Variants in CCT4 observed in about 807,000 individuals in gnomAD.
CCT4 encodes T-complex protein 1 subunit delta.
A neutral mutation model predicts 62.5 loss-of-function variants in CCT4; 17 were observed. The ratio of observed to expected loss-of-function variants is 0.27; its 90% CI spans 0.19 to 0.41. The LOEUF (loss-of-function observed/expected upper bound fraction) is 0.41. CCT4 is among the 10% of genes least tolerant of loss of function. The probability of loss-of-function intolerance (pLI) is 1.00; values close to 1 mark genes in which losing one functional copy is unlikely to be tolerated. For missense variants in CCT4, 592 were observed against 659.2 expected (o/e 0.90, Z 1.12); for synonymous variants, 250 against 229.9 (o/e 1.09, Z -0.79).
chr2:61,869,639 C>G, intron 12 of CCT4, 86 bp from the exon 13 acceptor site: 1 of 740,608 alleles, frequency 1.4e-6, no homozygotes, highest in Non-Finnish European at 2.5e-6. Context: ...ACCTCAAGAC[C>G]TAAATCTAGT....
chr2:61,874,050 A>T (rs528043045), intron 8 of CCT4, among the ~76,000 whole-genome samples: 115 of 152,130 alleles, frequency 7.6e-4, no homozygotes, highest in Non-Finnish European at 1.4e-3. Flanking sequence ...CCTTATTAAT[A>T]CTTCATGAAT....
intron 12 of CCT4, among the ~76,000 whole-genome samples, chr2:61,869,920 T>C (rs1321566324): frequency 2.7e-5 from 4 of 148,364 alleles, no homozygotes; most frequent in East Asian, 2.1e-4. Context: ...GCGTGAGCCA[T>C]GGCGCCTGGC....
At chr2:61,869,957 T>C (rs1668850387) in intron 12 of CCT4, among the ~76,000 whole-genome samples, 1 of 149,796 alleles carries the variant, frequency 6.7e-6, no homozygotes, top group Admixed American at 6.7e-5. Flanking sequence ...TTGGCAAAAT[T>C]AGCAAAATGA....
At chr2:61,884,938 C>CA in intron 2 of CCT4, 82 bp downstream of exon 2, 1 of 1,232,174 alleles carries the variant, frequency 8.1e-7, no homozygotes, top group Non-Finnish European at 1.2e-6. Flanking sequence ...ACTTTTTAAA[C>CA]AGCACATCTA....
At chr2:61,879,976 C>A (rs1176043155) in intron 4 of CCT4, among the ~76,000 whole-genome samples, 1 of 152,042 alleles carries the variant, frequency 6.6e-6, no homozygotes, top group Non-Finnish European at 1.5e-5. Context: ...GATCCACCCA[C>A]CTTGGCCTCT....
Position 61,888,476 on chromosome 2 carries a change from G to T in CCT4, c.32C>A (p.Ala11Glu). Reference protein sequence around the residue: MPENVAPRSGATAGAAGGRGK... With the variant: MPENVAPRSGETAGAAGGRGK... ...GCGGCCGCCGGCAGCCCCGGCAGTC[G>T]CCCCGCTCCGGGGTGCCACATTCTC... is the stretch of plus-strand genomic sequence containing the variant. The change falls in exon 1 of 14, where the codon GCG (alanine) becomes GAG (glutamate). Residue 11 changes from alanine (A) to glutamate (E), a missense_variant. Physicochemically the swap from Ala to Glu is moderately radical, Grantham distance 107 (BLOSUM62 -1). Around this residue, in one of 3 missense-constraint regions of CCT4, gnomAD observed 67 missense variants for 71.1 expected, o/e 0.94. Transcript: ENST00000394440. 1.2e-6 allele frequency: 2 copies of T among 1,611,800 alleles called. No homozygotes were observed. The highest frequency in any genetic ancestry group is 1.1e-5 in the South Asian group (1 of 90,890).
intron 3 of CCT4, 144 bp downstream of exon 3, chr2:61,883,315 G>A: frequency 1.8e-6 from 1 of 549,014 alleles, no homozygotes; most frequent in Non-Finnish European, 3.2e-6. Flanking sequence ...CAGCTACTCA[G>A]GAGGCTGAGG....
At chr2:61,874,049 T>C (rs928867207) in intron 8 of CCT4, among the ~76,000 whole-genome samples, 2 of 152,182 alleles carry the variant, frequency 1.3e-5, no homozygotes, top group South Asian at 2.1e-4. Context: ...ACCTTATTAA[T>C]ACTTCATGAA....
At chr2:61,879,651 T>C (rs756316466) in intron 4 of CCT4, among the ~76,000 whole-genome samples, 1 of 152,062 alleles carries the variant, frequency 6.6e-6, no homozygotes, top group African/African-American at 2.4e-5. Flanking sequence ...TATAATTAAA[T>C]ACCATTTACT....
chr2:61,872,347 T>A, intron 11 of CCT4, 31 bp from the exon 12 acceptor site: 1 of 1,501,088 alleles, frequency 6.7e-7, no homozygotes, highest in African/African-American at 1.4e-5. Flanking sequence ...TTTAGCTTAT[T>A]TTATCCAAAA....
chr2:61,877,400 T>C lies in CCT4; in HGVS notation c.637A>G (p.Lys213Glu). The C allele has an allele frequency of 6.3e-7, 1 of 1,588,778 alleles. No homozygotes were observed. Among genetic ancestry groups the C allele is most frequent in the Non-Finnish European group, 8.6e-7 (1 of 1,169,368 alleles). The change falls in exon 6 of 14, where the codon AAG becomes GAG. Residue 213 changes from lysine to glutamate, a missense_variant. This residue lies in a region of CCT4 where 522 missense variants were observed against 571.2 expected (regional missense o/e 0.91). Coordinates refer to ENST00000394440, the MANE Select transcript of CCT4 (RefSeq NM_006430.4). The stretch of plus-strand genomic sequence containing the variant: ...GTAATTAGAGATGCTTACCCAAGCT[T>C]CTTAACTATTTTAATATCTCTAAGA... ...VDLRDIKIVK[K>E]LGGTIDDCEL...
chr2:61,882,657 C>T (rs1226066023), intron 3 of CCT4, among the ~76,000 whole-genome samples: 1 of 152,018 alleles, frequency 6.6e-6, no homozygotes, highest in Admixed American at 6.6e-5. Flanking sequence ...CACAGGTGCG[C>T]ACCACACACC....
intron 1 of CCT4, chr2:61,888,101 G>C (rs534237163): frequency 1.4e-4 from 52 of 361,962 alleles, no homozygotes; most frequent in Middle Eastern, 7.2e-4. Flanking sequence ...TCGGCATTTT[G>C]AACTGCTTTC....
At position 61,888,569 on chromosome 2, in the gene CCT4, C is replaced by A; in HGVS notation, c.-62G>T. On this transcript the variant is annotated 5_prime_UTR_variant, in exon 1 of 14. Transcript: ENST00000394440. ...ACGGATGGACCCGGATTCTGGCCGG[C>A]CGCAGTGTAATAACGGTAAGCCCTC... 1 of 1,574,290 alleles carries A rather than the reference C, an allele frequency of 6.4e-7. No individual in the cohort carries two copies. The highest frequency in any genetic ancestry group is 8.6e-7 in the Non-Finnish European group (1 of 1,161,220).
intron 12 of CCT4, 105 bp from the exon 13 acceptor site, chr2:61,869,658 TGTC>T (rs1668843551): frequency 2.2e-6 from 1 of 449,908 alleles, no homozygotes; most frequent in African/African-American, 2.0e-5. Context: ...GTTTTCTTTC[TGTC>T]TAAGAAGATT....
intron 2 of CCT4, among the ~76,000 whole-genome samples, chr2:61,884,813 A>G (rs1403560656): frequency 1.3e-5 from 2 of 151,942 alleles, no homozygotes; most frequent in Non-Finnish European, 2.9e-5. Context: ...TTTTTAGTAG[A>G]CATAGGGTTT....
Position 61,871,031 on chromosome 2 carries a change from G to T in CCT4, c.1491+1051C>A, listed in dbSNP as rs1391817380. Among the ~76,000 whole-genome samples the T allele has an allele frequency of 4.3e-5, 6 of 138,804 alleles. No individual in the cohort carries two copies. In the South Asian group the frequency reaches 1.2e-3, roughly 27 times the overall value. The allele number at this position is 138,804 out of a possible 152,430, so 91.1% of individuals were successfully genotyped here. On this transcript the variant is annotated intron_variant, in intron 12 of 13. Transcript: ENST00000394440. Reference sequence around the variant, plus strand: ...CAGGGGCCTCCTCATTCTATTAATAGTTTTTTTTTTTTTTTTTTGAGACGG... The same window carrying T: ...CAGGGGCCTCCTCATTCTATTAATATTTTTTTTTTTTTTTTTTTGAGACGG...
At chr2:61,871,031 GTTTT>G (rs747752539) in intron 12 of CCT4, among the ~76,000 whole-genome samples, 1 of 138,804 alleles carries the variant, frequency 7.2e-6, no homozygotes. Context: ...TCTATTAATA[GTTTT>G]TTTTTTTTTT....
chr2:61,874,921 G>T (rs1299044294), intron 8 of CCT4, among the ~76,000 whole-genome samples: 1 of 152,098 alleles, frequency 6.6e-6, no homozygotes, highest in Non-Finnish European at 1.5e-5. Flanking sequence ...AAGGCTGGCG[G>T]ATCACCTGAG....
Sources: gnomAD v4.1 joint callset for allele counts (sites outside exome capture counted in the v4.1 genomes callset) on GRCh38, gnomAD v4.1.1 for gene constraint, gnomAD v4.1.1 regional missense constraint, MANE v1.5 for transcripts, NCBI Gene and HGNC (gene_info 2026-07-23, HGNC 2026-07-21) for gene names.